TNFAIP1: variants seen among roughly 807,000 people sequenced by gnomAD.
TNFAIP1 encodes TNF alpha induced protein 1.
A neutral mutation model predicts 32.6 loss-of-function variants in TNFAIP1; 20 were observed. The ratio of observed to expected loss-of-function variants is 0.61; its 90% CI spans 0.43 to 0.89. TNFAIP1 has a LOEUF of 0.89. TNFAIP1 is among the 40% of genes least tolerant of loss of function. The pLI is 0.00. For missense variants in TNFAIP1, 319 were observed against 425.1 expected, an observed-to-expected ratio of 0.75 and a Z score of 2.20; for synonymous variants, 166 against 166.8, an observed-to-expected ratio of 1.00 and a Z score of 0.04.
rs368076023 is a variant in TNFAIP1 at position 28,338,166 on chromosome 17, C to CT, written c.-114-1240dup. 1.3e-4 allele frequency among the ~76,000 whole-genome samples: 20 copies of CT among 152,234 alleles called. 1 individual carries two copies. The highest frequency in any genetic ancestry group is 4.6e-4 in the African/African-American group (19 of 41,528). On this transcript the variant is annotated intron_variant, in intron 1 of 6. Transcript: ENST00000226225. ...CATATTAAATGCCAAGAGATGGGGT[C>CT]TTGCTATGTTGCCAAGGCTGGTCTT...
Position 28,340,430 on chromosome 17 carries a change from G to A in TNFAIP1, c.327G>A (p.Lys109=). The A allele has an allele frequency of 6.2e-7, 1 of 1,613,626 alleles. No individual in the cohort carries two copies. The highest frequency in any genetic ancestry group is 8.5e-7 in the Non-Finnish European group (1 of 1,179,692). Residue 109 remains lysine (K), a synonymous_variant, in exon 3 of 7, where the codon AAG becomes AAA. Transcript: ENST00000226225. This position sits in a 1 kb window ranked among gnomAD's most constrained non-coding sequence, Gnocchi z 4.1. ...QEIKELMAEA[K]YYLIQGLVNM... ...TCAAGGAATTGATGGCTGAAGCAAA[G>A]TATTACCTCATCCAGGGGCTGGTGA...
Position 28,342,277 on chromosome 17 carries a change from C to T in TNFAIP1, c.549C>T (p.Ile183=), listed in dbSNP as rs560731179. The T allele has an allele frequency of 1.9e-6, 3 of 1,587,140 alleles. No individual in the cohort carries two copies. The highest frequency in any genetic ancestry group is 1.3e-5 in the African/African-American group (1 of 74,634). ...CTGACGACCACCTGCTGAAAAACATCGAGCTGTTTGACAAGCTCTCCCTGC... is the reference window on the plus strand; with the variant it reads ...CTGACGACCACCTGCTGAAAAACATTGAGCTGTTTGACAAGCTCTCCCTGC... ...SNSDDHLLKN[I]ELFDKLSLRF... is the part of the protein sequence containing the mutation. Residue 183 remains isoleucine, a synonymous_variant, in exon 6 of 7, where the codon ATC becomes ATT. Transcript: ENST00000226225. The surrounding 1 kb of genome is among the most constrained non-coding windows in gnomAD (Gnocchi z 4.0).
intron 1 of TNFAIP1, among the ~76,000 whole-genome samples, chr17:28,336,859 C>G (rs1336565489): frequency 6.6e-6 from 1 of 152,182 alleles, no homozygotes; most frequent in Non-Finnish European, 1.5e-5. Flanking sequence ...CAGGGACTTA[C>G]CTAAATCTTT....
At position 28,342,163 on chromosome 17, in the gene TNFAIP1, G is replaced by A; in HGVS notation, c.519-84G>A. On this transcript the variant is annotated intron_variant, in intron 5 of 6. Transcript: ENST00000226225. The surrounding 1 kb of genome is among the most constrained non-coding windows in gnomAD (Gnocchi z 4.0). The stretch of plus-strand genomic sequence containing the variant: ...CGGCAGGACAGGATGGGGGAAGGGA[G>A]GGAGGGGAGGGCCCCACTTGTCTAG... 8.1e-7 allele frequency: 1 copy of A among 1,240,170 alleles called. No individual in the cohort carries two copies. The highest frequency in any genetic ancestry group is 1.1e-6 in the Non-Finnish European group (1 of 909,396). 76.8% of individuals were successfully genotyped at this position (1,240,170 alleles called of 1,614,324 possible).
chr17:28,341,927 C>T (rs1907375633), intron 5 of TNFAIP1, among the ~76,000 whole-genome samples: 2 of 152,240 alleles, frequency 1.3e-5, no homozygotes, highest in Non-Finnish European at 2.9e-5. Flanking sequence ...CATATTGCCA[C>T]TGTCACCCCC....
rs571436398 is a variant in TNFAIP1, at chr17:28,346,846, T to A, written c.*2246T>A. ...CTGCTGTTAACAACACAGGCCAGTA[T>A]TGGGTTTTATTGAATTTGGTATGTG... On this transcript the variant is annotated 3_prime_UTR_variant, in exon 7 of 7. Transcript: ENST00000226225. 1.3e-5 allele frequency: 2 copies of A among 152,320 alleles called. No individual in the cohort carries two copies. The highest frequency in any genetic ancestry group is 2.1e-4 in the South Asian group (1 of 4,832). 9.4% of individuals were successfully genotyped at this position (152,320 alleles called of 1,614,324 possible). A position where few individuals can be genotyped will look rare whatever the true frequency, so the allele number is the denominator to read the frequency against.
chr17:28,344,495 T>C lies in TNFAIP1; in HGVS notation c.846T>C (p.Asp282=), dbSNP rs782495085. The C allele has an allele frequency of 1.2e-6, 2 of 1,614,034 alleles. No homozygotes were observed. The highest frequency in any genetic ancestry group is 1.7e-5 in the Admixed American group (1 of 60,026). ...RSRSQASPSE[D]EETFELRDRV... ...GCAGCCAGGCTTCCCCCAGTGAAGATGAGGAGACCTTTGAACTGCGGGACC... is the reference window on the plus strand; with the variant it reads ...GCAGCCAGGCTTCCCCCAGTGAAGACGAGGAGACCTTTGAACTGCGGGACC... The change falls in exon 7 of 7, where the codon GAT becomes GAC. Residue 282 remains aspartate (D), a synonymous_variant. Transcript: ENST00000226225.
Position 28,342,129 on chromosome 17 carries a change from C to T in TNFAIP1, c.519-118C>T. The T allele has an allele frequency of 1.1e-6, 1 of 942,460 alleles. No individual in the cohort carries two copies. Among genetic ancestry groups the T allele is most frequent in the Non-Finnish European group, 1.5e-6 (1 of 662,670 alleles). The allele number at this position is 942,460 out of a possible 1,614,324, so 58.4% of individuals were successfully genotyped here. On this transcript the variant is annotated intron_variant, in intron 5 of 6. Coordinates refer to ENST00000226225, the MANE Select transcript of TNFAIP1 (RefSeq NM_021137.5). This position sits in a 1 kb window ranked among gnomAD's most constrained non-coding sequence, Gnocchi z 4.0. Reference sequence around the variant, plus strand: ...TCTCTCCTGGCCCCCTGGCATCTTGCTTTCATTTCGGCAGGACAGGATGGG... The same window carrying T: ...TCTCTCCTGGCCCCCTGGCATCTTGTTTTCATTTCGGCAGGACAGGATGGG...
In TNFAIP1 at chr17:28,346,364, CA is replaced by C. The variant is rs1907564382; in HGVS notation, c.*1765del. 1 of 152,226 alleles carries C rather than the reference CA, an allele frequency of 6.6e-6. No individual in the cohort carries two copies. The highest frequency in any genetic ancestry group is 6.5e-5 in the Admixed American group (1 of 15,282). The allele number at this position is 152,226 out of a possible 1,614,324, so 9.4% of individuals were successfully genotyped here. ...CTTTCCCACAGAGACTGGAATGCGT[CA>C]GCCTGAGACCACTGGCCTATTTTCT... On this transcript the variant is annotated 3_prime_UTR_variant, in exon 7 of 7. Transcript: ENST00000226225.
chr17:28,339,243 A>G (rs1432275607), intron 1 of TNFAIP1, among the ~76,000 whole-genome samples, 165 bp from the exon 2 acceptor site: 1 of 146,748 alleles, frequency 6.8e-6, no homozygotes, highest in Non-Finnish European at 1.5e-5. Context: ...GTCTCTAAGA[A>G]AAAAAAAAAA....
At chr17:28,339,850 C>CT in intron 2 of TNFAIP1, 124 bp downstream of exon 2, 1 of 929,924 alleles carries the variant, frequency 1.1e-6, no homozygotes, top group East Asian at 2.6e-5. Context: ...CCTGGAGTCC[C>CT]TAGTAGAGCT....
Position 28,339,531 on chromosome 17 carries a change from G to C in TNFAIP1, c.10G>C (p.Asp4His). Residue 4 changes from aspartate to histidine, a missense_variant, in exon 2 of 7, where the codon GAC (aspartate) becomes CAC (histidine). Coordinates refer to ENST00000226225, the MANE Select transcript of TNFAIP1 (RefSeq NM_021137.5). MSG[D>H]TCLCPASGAK... Reference sequence around the variant, plus strand: ...CTACCTGCAGCGGGAGATGTCGGGGGACACCTGCCTGTGCCCAGCCTCAGG... The same window carrying C: ...CTACCTGCAGCGGGAGATGTCGGGGCACACCTGCCTGTGCCCAGCCTCAGG... 1 of 1,602,158 alleles carries C rather than the reference G, an allele frequency of 6.2e-7. No individual in the cohort carries two copies. The highest frequency in any genetic ancestry group is 8.5e-7 in the Non-Finnish European group (1 of 1,173,126).
At chr17:28,343,795 G>C (rs1907448321) in intron 6 of TNFAIP1, among the ~76,000 whole-genome samples, 1 of 152,078 alleles carries the variant, frequency 6.6e-6, no homozygotes, top group Non-Finnish European at 1.5e-5. Context: ...CTAGAATTCA[G>C]GTGCTTGACT....
In TNFAIP1 at chr17:28,344,738, A is replaced by G; in HGVS notation, c.*138A>G. On this transcript the variant is annotated 3_prime_UTR_variant, in exon 7 of 7. Coordinates refer to ENST00000226225, the MANE Select transcript of TNFAIP1 (RefSeq NM_021137.5). ...GCATGACAGGCCCTGCTCAGAGGTC[A>G]GAGGGTCTGGGCAGAGGAGGGACCA... 1.2e-6 allele frequency: 1 copy of G among 864,344 alleles called. No individual in the cohort carries two copies. Among genetic ancestry groups the G allele is most frequent in the African/African-American group, 1.7e-5 (1 of 60,192 alleles). 53.5% of individuals were successfully genotyped at this position (864,344 alleles called of 1,614,324 possible).
chr17:28,340,360 A>G lies in TNFAIP1; in HGVS notation c.257A>G (p.Tyr86Cys), dbSNP rs1279977073. The change falls in exon 3 of 7, where the codon TAC (tyrosine) becomes TGC (cysteine). Residue 86 changes from tyrosine (Y) to cysteine (C), a missense_variant. Physicochemically the swap from Tyr to Cys is radical, Grantham distance 194. Coordinates refer to ENST00000226225, the MANE Select transcript of TNFAIP1 (RefSeq NM_021137.5). The surrounding 1 kb of genome is among the most constrained non-coding windows in gnomAD (Gnocchi z 4.1). ...AAGCACTTTGGCACCATTTTGAATT[A>G]CCTCCGAGATGACACCATCACCCTC... is the stretch of plus-strand genomic sequence containing the variant. ...CGKHFGTILN[Y>C]LRDDTITLPQ... The G allele has an allele frequency of 1.2e-6, 2 of 1,613,786 alleles. No homozygotes were observed. The highest frequency in any genetic ancestry group is 4.5e-5 in the East Asian group (2 of 44,882).
At chr17:28,338,781 T>C (rs1318648889) in intron 1 of TNFAIP1, among the ~76,000 whole-genome samples, 2 of 151,148 alleles carry the variant, frequency 1.3e-5, no homozygotes, top group Admixed American at 6.6e-5. Context: ...GGTAGATCTC[T>C]AGGGTGATCT....
Position 28,342,166 on chromosome 17 carries a change from A to C in TNFAIP1, c.519-81A>C. The C allele has an allele frequency of 8.1e-7, 1 of 1,231,680 alleles. No homozygotes were observed. Among genetic ancestry groups the C allele is most frequent in the East Asian group, 2.6e-5 (1 of 38,940 alleles). 76.3% of individuals were successfully genotyped at this position (1,231,680 alleles called of 1,614,324 possible). A position where few individuals can be genotyped will look rare whatever the true frequency, so the allele number is the denominator to read the frequency against. On this transcript the variant is annotated intron_variant, in intron 5 of 6. Coordinates refer to ENST00000226225, the MANE Select transcript of TNFAIP1 (RefSeq NM_021137.5). This position sits in a 1 kb window ranked among gnomAD's most constrained non-coding sequence, Gnocchi z 4.0. ...CAGGACAGGATGGGGGAAGGGAGGG[A>C]GGGGAGGGCCCCACTTGTCTAGCAC... is the stretch of plus-strand genomic sequence containing the variant.
rs137878582 is a variant in TNFAIP1, at chr17:28,342,640, C to T, written c.714+198C>T. The T allele has an allele frequency of 4.7e-5, 24 of 505,296 alleles. No individual in the cohort carries two copies. The highest frequency in any genetic ancestry group is 1.5e-4 in the South Asian group (3 of 20,444). The allele number at this position is 505,296 out of a possible 1,614,324, so 31.3% of individuals were successfully genotyped here. A position where few individuals can be genotyped will look rare whatever the true frequency, so the allele number is the denominator to read the frequency against. On this transcript the variant is annotated intron_variant, in intron 6 of 6. Coordinates refer to ENST00000226225, the MANE Select transcript of TNFAIP1 (RefSeq NM_021137.5). This position sits in a 1 kb window ranked among gnomAD's most constrained non-coding sequence, Gnocchi z 4.0. Reference sequence around the variant, plus strand: ...ACGGGAACTGCTTTGTTCCTGACAGCGCAGGGCAGGGGCCGTTGACCACCA... The same window carrying T: ...ACGGGAACTGCTTTGTTCCTGACAGTGCAGGGCAGGGGCCGTTGACCACCA...
At chr17:28,339,347 A>G (rs929724226) in intron 1 of TNFAIP1, 61 bp from the exon 2 acceptor site, 8 of 529,272 alleles carry the variant, frequency 1.5e-5, no homozygotes, top group Middle Eastern at 5.0e-4. Flanking sequence ...TGTTTCTGCT[A>G]TTGTCTCCTC....
Sources: gnomAD v4.1 joint callset for allele counts (sites outside exome capture counted in the v4.1 genomes callset) on GRCh38, gnomAD v4.1.1 for gene constraint, Gnocchi (gnomAD v3.1) non-coding constraint, MANE v1.5 for transcripts, NCBI Gene and HGNC (gene_info 2026-07-23, HGNC 2026-07-21) for gene names.